Variants in SMOC2 observed in about 807,000 individuals in gnomAD.
SMOC2 encodes SPARC related modular calcium binding 2.
SMOC2 carries 39 observed loss-of-function variants against 61.4 expected under a neutral mutation model. The observed-to-expected ratio is 0.64, with a 90% CI of 0.49 to 0.83. The LOEUF (loss-of-function observed/expected upper bound fraction) is 0.83. SMOC2 is among the 40% of genes least tolerant of loss of function. The probability of loss-of-function intolerance (pLI) is 0.00; values close to 1 mark genes in which losing one functional copy is unlikely to be tolerated. For synonymous variants in SMOC2, 247 were observed against 239.9 expected, an observed-to-expected ratio of 1.03 and a Z score of -0.27; for missense variants, 556 against 592.9, an observed-to-expected ratio of 0.94 and a Z score of 0.65.
At chr6:168,507,908 C>T (rs1035196509) in intron 1 of SMOC2, among the ~76,000 whole-genome samples, 5 of 152,248 alleles carry the variant, frequency 3.3e-5, no homozygotes, top group South Asian at 2.1e-4. Flanking sequence ...CTCTGGGTGC[C>T]GCTCACCTGT....
intron 7 of SMOC2, among the ~76,000 whole-genome samples, chr6:168,552,308 C>T (rs181649192): frequency 2.8e-3 from 427 of 152,084 alleles, no homozygotes; most frequent in Non-Finnish European, 5.0e-3. Context: ...TTAAAATATA[C>T]TTTTACTTGT....
intron 6 of SMOC2, among the ~76,000 whole-genome samples, chr6:168,548,602 G>A (rs938107936): frequency 6.6e-6 from 1 of 151,852 alleles, no homozygotes; most frequent in Non-Finnish European, 1.5e-5. Context: ...CCGACCTCAG[G>A]TGATTCACCT....
At chr6:168,519,187 A>ATGTGTGTG (rs1783261283) in intron 2 of SMOC2, among the ~76,000 whole-genome samples, 1 of 140,820 alleles carries the variant, frequency 7.1e-6, no homozygotes, top group Non-Finnish European at 1.5e-5. Context: ...GTATGCGTGC[A>ATGTGTGTG]TGTGTATGTG....
At chr6:168,647,549 G>A (rs139758065) in intron 9 of SMOC2, among the ~76,000 whole-genome samples, 41 of 152,304 alleles carry the variant, frequency 2.7e-4, no homozygotes, top group Admixed American at 9.8e-4. Context: ...TGGGAGAAGC[G>A]GAATAGCTCC....
In SMOC2 at chr6:168,542,554, T is replaced by A. The variant is rs190398217; in HGVS notation, c.464-1071T>A. Among the ~76,000 whole-genome samples, 16 of 152,298 alleles carry A rather than the reference T, an allele frequency of 1.1e-4. No individual in the cohort carries two copies. In the South Asian group the frequency reaches 2.5e-3, roughly 24 times the overall value. ...GCTTTCTGAAGTCAGCATTGTCTGA[T>A]GAGTACCTGTTACAGAGGAGGGTTT... On this transcript the variant is annotated intron_variant, in intron 4 of 12. Transcript: ENST00000356284.
At position 168,649,402 on chromosome 6, in the gene SMOC2, G is replaced by A. The variant is rs55915889; in HGVS notation, c.908-1279G>A. On this transcript the variant is annotated intron_variant, in intron 9 of 12. Coordinates refer to ENST00000356284, the MANE Select transcript of SMOC2 (RefSeq NM_001166412.2). Reference sequence around the variant, plus strand: ...CGTGGGTGTCCCTAGCCCCAGCAGAGCCCCAGGGAGAGGCAGCCTCCCCAG... The same window carrying A: ...CGTGGGTGTCCCTAGCCCCAGCAGAACCCCAGGGAGAGGCAGCCTCCCCAG... 5.1e-3 allele frequency among the ~76,000 whole-genome samples: 779 copies of A among 152,258 alleles called. 7 individuals are homozygous for A. Among genetic ancestry groups the A allele is most frequent in the African/African-American group, 0.018 (741 of 41,546 alleles).
rs79853325 is a variant in SMOC2, at chr6:168,499,441, G to A, written c.85-10474G>A. 6.9e-3 allele frequency among the ~76,000 whole-genome samples: 1,056 copies of A among 152,292 alleles called. 12 individuals carry two copies. Among genetic ancestry groups the A allele is most frequent in the East Asian group, 0.037 (192 of 5,184 alleles). ...TTTGCTTTTGCTATCAGTAAAGGTCGGAGTTTATCTGATCTTTTGTGCGTT... is the reference window on the plus strand; with the variant it reads ...TTTGCTTTTGCTATCAGTAAAGGTCAGAGTTTATCTGATCTTTTGTGCGTT... On this transcript the variant is annotated intron_variant, in intron 1 of 12. Transcript: ENST00000356284.
chr6:168,570,533 G>C (rs1354304504), intron 7 of SMOC2, among the ~76,000 whole-genome samples: 1 of 152,210 alleles, frequency 6.6e-6, no homozygotes. Flanking sequence ...TGTGTTGTGT[G>C]TGGGATATAT....
intron 9 of SMOC2, among the ~76,000 whole-genome samples, chr6:168,622,366 G>T (rs1786269336): frequency 6.6e-6 from 1 of 151,888 alleles, no homozygotes; most frequent in South Asian, 2.1e-4. Context: ...GGCTTGGGAG[G>T]CTGCCGGATT....
chr6:168,591,952 G>T (rs966921578), intron 7 of SMOC2, among the ~76,000 whole-genome samples: 2 of 151,828 alleles, frequency 1.3e-5, no homozygotes, highest in African/African-American at 4.8e-5. Context: ...CTCTATCAAT[G>T]GTCATTTTTG....
chr6:168,634,322 C>T (rs545033964), intron 9 of SMOC2, among the ~76,000 whole-genome samples: 7 of 152,144 alleles, frequency 4.6e-5, no homozygotes, highest in Non-Finnish European at 1.0e-4. Flanking sequence ...TTGGATGAGA[C>T]CGTGTCTGTA....
chr6:168,488,283 A>G (rs777666242), intron 1 of SMOC2, among the ~76,000 whole-genome samples: 2 of 152,030 alleles, frequency 1.3e-5, no homozygotes, highest in Non-Finnish European at 2.9e-5. Context: ...GCTTCCCCCC[A>G]TGTCTTCACA....
intron 12 of SMOC2, among the ~76,000 whole-genome samples, chr6:168,665,658 C>G (rs1787644916): frequency 6.6e-6 from 1 of 152,256 alleles, no homozygotes. Flanking sequence ...GCAATCCTAA[C>G]CATCTTTTGA....
chr6:168,465,207 T>C (rs1459174047), intron 1 of SMOC2, among the ~76,000 whole-genome samples: 1 of 152,266 alleles, frequency 6.6e-6, no homozygotes, highest in African/African-American at 2.4e-5. Flanking sequence ...TCTTTGTTTT[T>C]GTTTCTATAT....
At chr6:168,625,871 T>A (rs1786396303) in intron 9 of SMOC2, among the ~76,000 whole-genome samples, 1 of 152,222 alleles carries the variant, frequency 6.6e-6, no homozygotes, top group Admixed American at 6.5e-5. Context: ...CTGGGCTTTC[T>A]CAGCCTAGAG....
intron 9 of SMOC2, among the ~76,000 whole-genome samples, chr6:168,625,886 G>A (rs1342584063): frequency 1.3e-5 from 2 of 152,244 alleles, no homozygotes; most frequent in Non-Finnish European, 2.9e-5. Flanking sequence ...CTAGAGGCGA[G>A]GGGCCTCGGA....
At chr6:168,480,252 G>A (rs181262708) in intron 1 of SMOC2, among the ~76,000 whole-genome samples, 75 of 152,180 alleles carry the variant, frequency 4.9e-4, no homozygotes, top group South Asian at 4.4e-3. Context: ...ATATTTAAAG[G>A]AAGAAAATGA....
Position 168,480,812 on chromosome 6 carries a change from A to G in SMOC2, c.85-29103A>G, listed in dbSNP as rs528179132. On this transcript the variant is annotated intron_variant, in intron 1 of 12. Transcript: ENST00000356284. ...AATAGACAAAGAGAATTTTGAAAGCAGAAAGAGAGAAGTAGCTCTCACATA... is the reference window on the plus strand; with the variant it reads ...AATAGACAAAGAGAATTTTGAAAGCGGAAAGAGAGAAGTAGCTCTCACATA... Among the ~76,000 whole-genome samples the G allele has an allele frequency of 2.6e-5, 4 of 152,340 alleles. No homozygotes were observed. The East Asian group carries it at 5.8e-4, about 22-fold the overall frequency.
intron 7 of SMOC2, among the ~76,000 whole-genome samples, chr6:168,560,233 C>T (rs936077145): frequency 6.6e-6 from 1 of 152,120 alleles, no homozygotes; most frequent in Non-Finnish European, 1.5e-5. Context: ...TCTGCTTTTG[C>T]CTGAAAGTCA....
Sources: allele counts gnomAD v4.1 joint callset (sites outside exome capture counted in the v4.1 genomes callset), GRCh38; gene constraint gnomAD v4.1.1; transcripts MANE v1.5; gene names NCBI Gene and HGNC (gene_info 2026-07-23, HGNC 2026-07-21).